Variants in WDSUB1 observed in about 807,000 individuals in gnomAD.
WDSUB1 encodes WD repeat, SAM and U-box domain-containing protein 1.
Under a neutral mutation model 53.9 loss-of-function variants are expected in WDSUB1, and 49 were observed. That is an observed-to-expected ratio of 0.91 (90% confidence interval 0.72 to 1.15). The LOEUF (loss-of-function observed/expected upper bound fraction) is 1.15. Among genes scored for constraint, WDSUB1 ranks in the 50% most tolerant of loss-of-function variants. WDSUB1 has a pLI of 0.00. For missense variants in WDSUB1, 514 were observed against 562.0 expected, an observed-to-expected ratio of 0.91 and a Z score of 0.86; for synonymous variants, 194 against 200.6, an observed-to-expected ratio of 0.97 and a Z score of 0.28.
chr2:159,238,348 A>C (rs186456713), intron 10 of WDSUB1, among the ~76,000 whole-genome samples: 1 of 152,290 alleles, frequency 6.6e-6, no homozygotes, highest in Non-Finnish European at 1.5e-5. Flanking sequence ...GTCTTTGAAG[A>C]GATGGGGTCC....
intron 4 of WDSUB1, among the ~76,000 whole-genome samples, chr2:159,274,600 A>T (rs1422273848): frequency 6.6e-6 from 1 of 152,188 alleles, no homozygotes; most frequent in African/African-American, 2.4e-5. Flanking sequence ...CTTTCAAAAA[A>T]TACAACTGCC....
intron 5 of WDSUB1, among the ~76,000 whole-genome samples, chr2:159,271,475 T>C (rs1230501962): frequency 6.6e-6 from 1 of 152,134 alleles, no homozygotes; most frequent in Non-Finnish European, 1.5e-5. Context: ...CATAATTTGT[T>C]TTAGGTCAGT....
At chr2:159,276,138 C>T (rs73004981) in intron 3 of WDSUB1, among the ~76,000 whole-genome samples, 10,353 of 151,780 alleles carry the variant, frequency 0.068, 735 homozygotes, top group African/African-American at 0.17. Context: ...GGCAGCTCAC[C>T]GCAACCTCCA....
intron 9 of WDSUB1, among the ~76,000 whole-genome samples, chr2:159,249,365 G>T (rs112562815): frequency 3.3e-5 from 5 of 152,280 alleles, no homozygotes; most frequent in African/African-American, 1.2e-4. Context: ...AAAGTCTAAT[G>T]AATTTTAGGA....
intron 10 of WDSUB1, among the ~76,000 whole-genome samples, chr2:159,246,413 C>G (rs942795657): frequency 8.1e-6 from 1 of 123,944 alleles, no homozygotes; most frequent in East Asian, 2.3e-4. Context: ...GCCTGGGCAA[C>G]AGAGCGAGAG....
At chr2:159,267,369 T>C (rs1224532380) in intron 5 of WDSUB1, among the ~76,000 whole-genome samples, 2 of 151,670 alleles carry the variant, frequency 1.3e-5, no homozygotes. Context: ...GGCATGATCA[T>C]AGGTTGCTGC....
chr2:159,239,990 C>T (rs2151037168), intron 10 of WDSUB1, among the ~76,000 whole-genome samples: 1 of 152,290 alleles, frequency 6.6e-6, no homozygotes, highest in Non-Finnish European at 1.5e-5. Context: ...ATAAAATGCA[C>T]CCATTTGTGG....
At chr2:159,263,806 T>C (rs35362233) in intron 5 of WDSUB1, among the ~76,000 whole-genome samples, 59,660 of 152,116 alleles carry the variant, frequency 0.39, 13,449 homozygotes, top group Non-Finnish European at 0.54. Flanking sequence ...CGTTATATAA[T>C]TGGTGTTCTG....
chr2:159,251,461 C>T (rs780209892), intron 9 of WDSUB1, among the ~76,000 whole-genome samples: 11 of 152,168 alleles, frequency 7.2e-5, no homozygotes, highest in Non-Finnish European at 1.5e-4. Flanking sequence ...CCAATCCTAA[C>T]GTCATTTAGA....
chr2:159,267,569 T>C (rs929770925), intron 5 of WDSUB1, among the ~76,000 whole-genome samples: 2 of 152,152 alleles, frequency 1.3e-5, no homozygotes, highest in Non-Finnish European at 2.9e-5. Flanking sequence ...CCTCTCAAAG[T>C]GTTGGAATAA....
At chr2:159,247,900 T>A (rs2884108) in intron 10 of WDSUB1, among the ~76,000 whole-genome samples, 1 of 21,572 alleles carries the variant, frequency 4.6e-5, no homozygotes, top group Non-Finnish European at 1.0e-4. Context: ...TATATATATA[T>A]ATATATATAA....
rs1183014434 is a variant in WDSUB1, at chr2:159,259,825, G to C, written c.789C>G (p.Val263=). The change falls in exon 6 of 11, where the codon GTC becomes GTG. Residue 263 remains valine, a synonymous_variant. Coordinates refer to ENST00000359774, the MANE Select transcript of WDSUB1 (RefSeq NM_001128212.3). ...AAATACTTACAGTATCATATACTAT[G>C]ACAGACTTATCCACTGACCTTAAAA... ...MLVSGSVDKS[V]IVYDTNTENI... The C allele has an allele frequency of 7.2e-6, 11 of 1,527,988 alleles. No homozygotes were observed. The highest frequency in any genetic ancestry group is 9.8e-6 in the Non-Finnish European group (11 of 1,122,208). The allele number at this position is 1,527,988 out of a possible 1,614,324, so 94.7% of individuals were successfully genotyped here.
chr2:159,236,728 G>T (rs1428224100), intron 10 of WDSUB1, among the ~76,000 whole-genome samples: 1 of 152,078 alleles, frequency 6.6e-6, no homozygotes, highest in East Asian at 1.9e-4. Context: ...CGAGATCTTG[G>T]CTCACTGCAA....
Position 159,257,490 on chromosome 2 carries a change from G to A in WDSUB1, c.952+268C>T, listed in dbSNP as rs1029306154. ...TAACCTCCGCCTCCCAGGTTCAAGCGATTCTCCTGCCTCAGCCTCCCGAGT... is the reference window on the plus strand; with the variant it reads ...TAACCTCCGCCTCCCAGGTTCAAGCAATTCTCCTGCCTCAGCCTCCCGAGT... On this transcript the variant is annotated intron_variant, in intron 8 of 10. Coordinates refer to ENST00000359774, the MANE Select transcript of WDSUB1 (RefSeq NM_001128212.3). 4.6e-5 allele frequency among the ~76,000 whole-genome samples: 7 copies of A among 151,458 alleles called. No homozygotes were observed. The South Asian group carries it at 6.2e-4, about 14-fold the overall frequency.
intron 3 of WDSUB1, among the ~76,000 whole-genome samples, chr2:159,279,299 T>C (rs2061603988): frequency 1.3e-5 from 2 of 152,266 alleles, no homozygotes; most frequent in Non-Finnish European, 2.9e-5. Context: ...ACTAATTGTG[T>C]TGGCAAACAT....
intron 9 of WDSUB1, among the ~76,000 whole-genome samples, chr2:159,254,711 CTTAAGA>C (rs1470824742): frequency 1.3e-5 from 2 of 152,112 alleles, no homozygotes; most frequent in Non-Finnish European, 2.9e-5. Flanking sequence ...ATAAGGTACC[CTTAAGA>C]TTAATTGTGA....
At chr2:159,281,347 T>C (rs1327652053) in intron 2 of WDSUB1, among the ~76,000 whole-genome samples, 1 of 152,136 alleles carries the variant, frequency 6.6e-6, no homozygotes, top group Non-Finnish European at 1.5e-5. Flanking sequence ...CAGGCGATCC[T>C]CTGACCTCAG....
At chr2:159,273,724 G>A (rs1177669588) in intron 4 of WDSUB1, among the ~76,000 whole-genome samples, 1 of 152,230 alleles carries the variant, frequency 6.6e-6, no homozygotes. Context: ...CCAGCCTTAT[G>A]AAAAGTTTTT....
intron 5 of WDSUB1, among the ~76,000 whole-genome samples, chr2:159,271,093 C>T (rs2061435753): frequency 6.6e-6 from 1 of 152,108 alleles, no homozygotes; most frequent in East Asian, 1.9e-4. Flanking sequence ...GGCTAGGATA[C>T]AAAACAACAC....
Sources: allele counts gnomAD v4.1 joint callset (sites outside exome capture counted in the v4.1 genomes callset), GRCh38; gene constraint gnomAD v4.1.1; transcripts MANE v1.5; gene names NCBI Gene and HGNC (gene_info 2026-07-23, HGNC 2026-07-21).